Variants in CYB5R4 observed in about 807,000 individuals in gnomAD.
CYB5R4 encodes the protein N-terminal cytochrome b5 and cytochrome b5 oxidoreductase domain-containing protein.
Under a neutral mutation model 70.2 loss-of-function variants are expected in CYB5R4, and 55 were observed. The ratio of observed to expected loss-of-function variants is 0.78; its 90% CI spans 0.63 to 0.98. The LOEUF is 0.98. CYB5R4 is among the 50% of genes least tolerant of loss of function. CYB5R4 has a pLI of 0.00. For missense variants in CYB5R4, 562 were observed against 612.6 expected, an observed-to-expected ratio of 0.92 and a Z score of 0.87; for synonymous variants, 197 against 199.5, an observed-to-expected ratio of 0.99 and a Z score of 0.11.
chr6:83,878,279 AC>A (rs765573677), intron 2 of CYB5R4, among the ~76,000 whole-genome samples: 1 of 152,052 alleles, frequency 6.6e-6, no homozygotes, highest in African/African-American at 2.4e-5. Flanking sequence ...TAGTTCCAAT[AC>A]ATTCTGGTTG....
At chr6:83,914,333 T>C (rs2099465152) in intron 4 of CYB5R4, 83 bp from the exon 5 acceptor site, 2 of 1,390,914 alleles carry the variant, frequency 1.4e-6, no homozygotes, top group South Asian at 1.3e-5. Context: ...AGGGATGTTA[T>C]CTTGAAATCA....
intron 4 of CYB5R4, among the ~76,000 whole-genome samples, chr6:83,914,129 A>G (rs1588574483): frequency 6.6e-6 from 1 of 152,224 alleles, no homozygotes; most frequent in South Asian, 2.1e-4. Flanking sequence ...ATATGCTCAT[A>G]TAGAAATTAA....
intron 15 of CYB5R4, among the ~76,000 whole-genome samples, chr6:83,956,372 G>C (rs1306338698): frequency 1.3e-5 from 2 of 151,368 alleles, no homozygotes; most frequent in Admixed American, 6.6e-5. Flanking sequence ...AAGCTGGATT[G>C]GGGGGGGCAC....
chr6:83,942,519 A>C (rs1261872405), intron 14 of CYB5R4, among the ~76,000 whole-genome samples: 1 of 152,198 alleles, frequency 6.6e-6, no homozygotes, highest in Non-Finnish European at 1.5e-5. Flanking sequence ...CTGGGTTTCA[A>C]GCACAAACTT....
At chr6:83,859,885 C>G (rs375155517) in intron 1 of CYB5R4, 28 bp downstream of exon 1, 6 of 1,593,282 alleles carry the variant, frequency 3.8e-6, no homozygotes, top group Middle Eastern at 1.7e-4. Flanking sequence ...TGAGTCTCTC[C>G]CCTCGCTGCG....
At chr6:83,883,275 T>C (rs1442454188) in intron 2 of CYB5R4, among the ~76,000 whole-genome samples, 1 of 152,124 alleles carries the variant, frequency 6.6e-6, no homozygotes, top group African/African-American at 2.4e-5. Context: ...ATTGGAATTC[T>C]AGAAGGAAAG....
intron 14 of CYB5R4, among the ~76,000 whole-genome samples, chr6:83,953,547 G>T (rs1187019967): frequency 6.6e-6 from 1 of 152,108 alleles, no homozygotes; most frequent in Non-Finnish European, 1.5e-5. Context: ...TCTGTGGGCA[G>T]TGAGGAATCA....
chr6:83,907,100 C>A (rs2099463896), intron 3 of CYB5R4, among the ~76,000 whole-genome samples: 1 of 151,838 alleles, frequency 6.6e-6, no homozygotes, highest in Non-Finnish European at 1.5e-5. Flanking sequence ...TTTTTTCAAA[C>A]AGGGTCTTGC....
At chr6:83,889,172 C>G (rs569421196) in intron 2 of CYB5R4, among the ~76,000 whole-genome samples, 18 of 152,318 alleles carry the variant, frequency 1.2e-4, no homozygotes, top group South Asian at 2.1e-4. Flanking sequence ...GATGTAGAAG[C>G]TGCAGCAAGT....
chr6:83,923,225 G>A lies in CYB5R4; in HGVS notation c.691+755G>A, dbSNP rs569471150. On this transcript the variant is annotated intron_variant, in intron 9 of 15. Coordinates refer to ENST00000369681, the MANE Select transcript of CYB5R4 (RefSeq NM_016230.4). ...ATGTTGCTGCATATAAACATGCAGC[G>A]TAGGTTTTACACAGCTATTTAATAA... Among the ~76,000 whole-genome samples, 8 of 152,216 alleles carry A rather than the reference G, an allele frequency of 5.3e-5. No homozygotes were observed. In the East Asian group the frequency reaches 9.7e-4, roughly 18 times the overall value.
In CYB5R4 at chr6:83,864,191, G is replaced by A. The variant is rs369765264; in HGVS notation, c.92G>A (p.Gly31Asp). The change falls in exon 2 of 16, where the codon GGC (glycine) becomes GAC (aspartate). Residue 31 changes from glycine (G) to aspartate (D), a missense_variant. Gly to Asp is a moderately conservative substitution (Grantham distance 94). Transcript: ENST00000369681. ...CATTTTTAGGTACCTTTAAAACAGG[G>A]CAGAAGCCTTATGGATTGGATTCGA... Reference protein sequence around the residue: ...GGRSKVPLKQGRSLMDWIRLT... With the variant: ...GGRSKVPLKQDRSLMDWIRLT... The A allele has an allele frequency of 2.6e-5, 42 of 1,604,926 alleles. No individual in the cohort carries two copies. In the African/African-American group the frequency reaches 5.5e-4, roughly 21 times the overall value.
chr6:83,861,261 A>G (rs2099455888), intron 1 of CYB5R4, among the ~76,000 whole-genome samples: 1 of 152,226 alleles, frequency 6.6e-6, no homozygotes, highest in African/African-American at 2.4e-5. Context: ...AAAGAGAACA[A>G]AATAAGATTA....
At chr6:83,914,305 A>T (rs1170054427) in intron 4 of CYB5R4, 111 bp from the exon 5 acceptor site, 1 of 1,193,822 alleles carries the variant, frequency 8.4e-7, no homozygotes, top group African/African-American at 1.6e-5. Context: ...GCCTTAGAAG[A>T]AAGCCCTTCA....
At chr6:83,951,289 G>C (rs928670696) in intron 14 of CYB5R4, among the ~76,000 whole-genome samples, 7 of 151,774 alleles carry the variant, frequency 4.6e-5, no homozygotes, top group African/African-American at 1.7e-4. Flanking sequence ...CTGTTTTAAG[G>C]CTCTTGATAC....
intron 15 of CYB5R4, 121 bp downstream of exon 15, chr6:83,955,583 G>T: frequency 1.1e-6 from 1 of 949,934 alleles, no homozygotes; most frequent in Admixed American, 3.0e-5. Context: ...TACAGTTTTA[G>T]AAAATAACAA....
intron 3 of CYB5R4, among the ~76,000 whole-genome samples, chr6:83,901,311 TAG>T (rs1411656141): frequency 6.6e-6 from 1 of 152,264 alleles, no homozygotes; most frequent in African/African-American, 2.4e-5. Flanking sequence ...TTCTGGCTTG[TAG>T]AGTTTCTGCC....
intron 8 of CYB5R4, 80 bp downstream of exon 8, chr6:83,921,255 A>T (rs2099466330): frequency 2.4e-6 from 3 of 1,224,504 alleles, no homozygotes; most frequent in Non-Finnish European, 3.3e-6. Flanking sequence ...AGTCTAGGTA[A>T]CTGTAATATT....
intron 14 of CYB5R4, among the ~76,000 whole-genome samples, chr6:83,953,066 T>A (rs542199978): frequency 6.6e-6 from 1 of 152,212 alleles, no homozygotes; most frequent in Non-Finnish European, 1.5e-5. Flanking sequence ...GTTCCTCAGA[T>A]GTTGTGTTGC....
chr6:83,859,722 C>G lies in CYB5R4; in HGVS notation c.-61C>G. 3.8e-6 allele frequency: 6 copies of G among 1,573,558 alleles called. No homozygotes were observed. Among genetic ancestry groups the G allele is most frequent in the East Asian group, 2.3e-5 (1 of 44,298 alleles). On this transcript the variant is annotated 5_prime_UTR_variant, in exon 1 of 16. Transcript: ENST00000369681. ...CCTCTGCCCGGCCACAGAGCCGGAG[C>G]TGGAGGTGCTGTCCCGTCTGGCGGC...
Sources: gnomAD v4.1 joint callset for allele counts (sites outside exome capture counted in the v4.1 genomes callset) on GRCh38, gnomAD v4.1.1 for gene constraint, MANE v1.5 for transcripts, NCBI Gene and HGNC (gene_info 2026-07-23, HGNC 2026-07-21) for gene names.